Variants in CCDC60 observed in about 807,000 individuals in gnomAD.
CCDC60 encodes coiled-coil domain-containing protein 60.
In CCDC60, 54 loss-of-function variants were observed where a neutral mutation model predicts 63.5. That is an observed-to-expected ratio of 0.85 (90% CI 0.68 to 1.07). The LOEUF is 1.07. CCDC60 is among the 50% of genes least tolerant of loss of function. The probability of loss-of-function intolerance (pLI) is 0.00; values close to 1 mark genes in which losing one functional copy is unlikely to be tolerated. For synonymous variants in CCDC60, 206 were observed against 238.8 expected (o/e 0.86, Z 1.27); for missense variants, 651 against 684.3 (o/e 0.95, Z 0.54).
At position 119,540,873 on chromosome 12, in the gene CCDC60, A is replaced by G. The variant is rs1409695826; in HGVS notation, c.*158A>G. 2 of 570,700 alleles carry G rather than the reference A, an allele frequency of 3.5e-6. No individual in the cohort carries two copies. Among genetic ancestry groups the G allele is most frequent in the African/African-American group, 3.8e-5 (2 of 52,214 alleles). The allele number at this position is 570,700 out of a possible 1,614,324, so 35.4% of individuals were successfully genotyped here. ...CATCTGGAGACTGACTTCCAGCAAC[A>G]TTTTTAGAGGGGGATGGCCCCGGTG... On this transcript the variant is annotated 3_prime_UTR_variant, in exon 14 of 14. Transcript: ENST00000327554.
Position 119,488,759 on chromosome 12 carries a change from C to T in CCDC60, c.450C>T (p.Val150=), listed in dbSNP as rs777506922. 8.1e-6 allele frequency: 13 copies of T among 1,613,524 alleles called. No individual in the cohort carries two copies. Among genetic ancestry groups the T allele is most frequent in the Middle Eastern group, 1.7e-4 (1 of 6,058 alleles). The change falls in exon 5 of 14, where the codon GTC becomes GTT. Residue 150 remains valine (V), a splice_region_variant and synonymous_variant. Transcript: ENST00000327554. ...IISPSLTEAH[V]EPLFRQLCAL... ...GTGTTCCCTCTCTCTGTCTTTGCAG[C>T]GAGCCCCTCTTCCGCCAGCTCTGTG... is the stretch of plus-strand genomic sequence containing the variant.
intron 5 of CCDC60, among the ~76,000 whole-genome samples, chr12:119,492,727 C>T (rs746224623): frequency 7.9e-5 from 12 of 152,078 alleles, no homozygotes; most frequent in Non-Finnish European, 1.3e-4. Flanking sequence ...CATCTCTGGC[C>T]CTCTGTTTCT....
rs530043804 is a variant in CCDC60 at position 119,410,349 on chromosome 12, A to AT, written c.91-18327dup. 4.9e-3 allele frequency among the ~76,000 whole-genome samples: 744 copies of AT among 152,242 alleles called. 3 individuals carry two copies. The highest frequency in any genetic ancestry group is 0.014 in the African/African-American group (592 of 41,532). On this transcript the variant is annotated intron_variant, in intron 1 of 13. Coordinates refer to ENST00000327554, the MANE Select transcript of CCDC60 (RefSeq NM_178499.5). This position sits in a 1 kb window ranked among gnomAD's most constrained non-coding sequence, Gnocchi z 4.0. ...TAAAAAGTGATGTACCTTTTGATACATTTTTTTAAACCATTTGAAAATACT... is the reference window on the plus strand; with the variant it reads ...TAAAAAGTGATGTACCTTTTGATACATTTTTTTTAAACCATTTGAAAATACT...
chr12:119,419,431 A>G (rs901481151), intron 1 of CCDC60, among the ~76,000 whole-genome samples: 2 of 152,236 alleles, frequency 1.3e-5, no homozygotes, highest in African/African-American at 4.8e-5. Flanking sequence ...TTCCCAGTGC[A>G]TCACTTCAGG....
At position 119,483,838 on chromosome 12, in the gene CCDC60, T is replaced by A. The variant is rs1306309743; in HGVS notation, c.449+4637T>A. On this transcript the variant is annotated intron_variant, in intron 4 of 13. Coordinates refer to ENST00000327554, the MANE Select transcript of CCDC60 (RefSeq NM_178499.5). ...TCCCTGCATTTAAAAAAATAAATGT[T>A]CTCTCTTCTAATTTGATAAAATCCA... Among the ~76,000 whole-genome samples, 3 of 152,104 alleles carry A rather than the reference T, an allele frequency of 2.0e-5. 1 individual carries two copies. Among genetic ancestry groups the A allele is most frequent in the Admixed American group, 2.0e-4 (3 of 15,280 alleles).
chr12:119,409,737 TC>T (rs1229419799), intron 1 of CCDC60, among the ~76,000 whole-genome samples: 3 of 152,010 alleles, frequency 2.0e-5, no homozygotes. Flanking sequence ...CTTGACAGTT[TC>T]CCCGTGTGTC....
chr12:119,354,437 A>C (rs542683064), intron 1 of CCDC60, among the ~76,000 whole-genome samples: 5 of 152,210 alleles, frequency 3.3e-5, no homozygotes, highest in Admixed American at 6.5e-5. Context: ...GGCTTAGGTA[A>C]TGTTTTAAAC....
chr12:119,345,060 G>T (rs1235742859), intron 1 of CCDC60, among the ~76,000 whole-genome samples: 3 of 152,164 alleles, frequency 2.0e-5, no homozygotes, highest in African/African-American at 7.2e-5. Context: ...TCCAGAGCAA[G>T]AAACATGGTG....
chr12:119,433,900 A>T (rs1371200342), intron 2 of CCDC60, among the ~76,000 whole-genome samples: 1 of 152,146 alleles, frequency 6.6e-6, no homozygotes, highest in Non-Finnish European at 1.5e-5. Flanking sequence ...AACTTGGTGA[A>T]TTTCTAGCGG....
intron 1 of CCDC60, among the ~76,000 whole-genome samples, chr12:119,382,018 G>A (rs572227607): frequency 1.0e-3 from 158 of 152,264 alleles, no homozygotes; most frequent in Non-Finnish European, 1.6e-3. Flanking sequence ...TATCTTTATC[G>A]TTAGTGCTTG....
At chr12:119,474,817 G>T (rs1454224076) in intron 3 of CCDC60, among the ~76,000 whole-genome samples, 8 of 151,818 alleles carry the variant, frequency 5.3e-5, no homozygotes, top group Admixed American at 5.2e-4. Flanking sequence ...GACCAGCTTG[G>T]GCAACATAGA....
Position 119,356,795 on chromosome 12 carries a change from C to A in CCDC60, c.90+21529C>A, listed in dbSNP as rs1028487623. On this transcript the variant is annotated intron_variant, in intron 1 of 13. Coordinates refer to ENST00000327554, the MANE Select transcript of CCDC60 (RefSeq NM_178499.5). Reference sequence around the variant, plus strand: ...TCATTGCAGTATCTTGCATCAGGACCAATTTTGCAATGTCTTGCATTTCTC... The same window carrying A: ...TCATTGCAGTATCTTGCATCAGGACAAATTTTGCAATGTCTTGCATTTCTC... Among the ~76,000 whole-genome samples the A allele has an allele frequency of 3.9e-5, 6 of 152,312 alleles. No individual in the cohort carries two copies. The East Asian group carries it at 1.2e-3, about 29-fold the overall frequency.
At chr12:119,484,193 G>A (rs1951387403) in intron 4 of CCDC60, among the ~76,000 whole-genome samples, 1 of 152,076 alleles carries the variant, frequency 6.6e-6, no homozygotes, top group South Asian at 2.1e-4. Context: ...AGTCACTGAG[G>A]CCCTTTATGC....
At chr12:119,445,768 G>T (rs1022025941) in intron 2 of CCDC60, among the ~76,000 whole-genome samples, 2 of 152,124 alleles carry the variant, frequency 1.3e-5, no homozygotes, top group African/African-American at 2.4e-5. Context: ...AAAAAGGAAT[G>T]AATTAATGGC....
intron 4 of CCDC60, among the ~76,000 whole-genome samples, chr12:119,480,147 G>C (rs1277394778): frequency 6.6e-6 from 1 of 151,908 alleles, no homozygotes; most frequent in African/African-American, 2.4e-5. Flanking sequence ...TATTTATTAG[G>C]CTTCTACAGT....
chr12:119,335,171 T>C lies in CCDC60; in HGVS notation c.-6T>C. On this transcript the variant is annotated 5_prime_UTR_variant, in exon 1 of 14. Coordinates refer to ENST00000327554, the MANE Select transcript of CCDC60 (RefSeq NM_178499.5). ...GGCACAGGCTAAAACCTGAAGGATTTTTAAGATGACCAAGGTTCCAGCCAC... is the reference window on the plus strand; with the variant it reads ...GGCACAGGCTAAAACCTGAAGGATTCTTAAGATGACCAAGGTTCCAGCCAC... The C allele has an allele frequency of 6.2e-7, 1 of 1,604,232 alleles. No individual in the cohort carries two copies. The highest frequency in any genetic ancestry group is 2.3e-5 in the East Asian group (1 of 44,318).
chr12:119,524,112 G>C (rs920411527), intron 11 of CCDC60, among the ~76,000 whole-genome samples: 3 of 152,198 alleles, frequency 2.0e-5, no homozygotes, highest in Admixed American at 6.5e-5. Flanking sequence ...ACCTCTCTGA[G>C]GAGGTGACTT....
At chr12:119,397,052 C>T (rs1470262263) in intron 1 of CCDC60, among the ~76,000 whole-genome samples, 1 of 152,138 alleles carries the variant, frequency 6.6e-6, no homozygotes, top group African/African-American at 2.4e-5. Flanking sequence ...TTTTACAGCT[C>T]TTAAAGGCAG....
At chr12:119,416,898 A>G (rs1447399434) in intron 1 of CCDC60, among the ~76,000 whole-genome samples, 1 of 152,178 alleles carries the variant, frequency 6.6e-6, no homozygotes, top group Non-Finnish European at 1.5e-5. Flanking sequence ...AGATGGGCAG[A>G]TCACCTGAGG....
Sources: gnomAD v4.1 joint callset for allele counts (sites outside exome capture counted in the v4.1 genomes callset) on GRCh38, gnomAD v4.1.1 for gene constraint, Gnocchi (gnomAD v3.1) non-coding constraint, MANE v1.5 for transcripts, NCBI Gene and HGNC (gene_info 2026-07-23, HGNC 2026-07-21) for gene names.